The following FARS2 variants were observed in gnomAD, a reference collection of about 807,000 sequenced individuals.
The protein encoded by FARS2 is phenylalanyl-tRNA synthetase 2, mitochondrial.
FARS2 carries 40 observed loss-of-function variants against 46.4 expected under a neutral mutation model. The observed-to-expected ratio is 0.86, with a 90% CI of 0.67 to 1.12. The LOEUF (loss-of-function observed/expected upper bound fraction) is 1.12. FARS2 is among the 50% of genes most tolerant of loss of function. The pLI is 0.00. For missense variants in FARS2, 513 were observed against 567.9 expected (o/e 0.90, Z 0.98); for synonymous variants, 234 against 214.9 (o/e 1.09, Z -0.78).
chr6:5,611,827 C>T (rs1404606144), intron 5 of FARS2, among the ~76,000 whole-genome samples: 1 of 152,182 alleles, frequency 6.6e-6, no homozygotes, highest in African/African-American at 2.4e-5. Flanking sequence ...TTCTCTGTCA[C>T]CGTGCCTGGC....
At chr6:5,437,850 GT>G (rs1214896639) in intron 4 of FARS2, among the ~76,000 whole-genome samples, 1 of 152,008 alleles carries the variant, frequency 6.6e-6, no homozygotes, top group Non-Finnish European at 1.5e-5. Context: ...TTCTCTTGCT[GT>G]TCCTTTATTC....
chr6:5,430,996 A>T, intron 3 of FARS2, 45 bp from the exon 4 acceptor site: 2 of 1,590,400 alleles, frequency 1.3e-6, no homozygotes, highest in Non-Finnish European at 1.7e-6. Context: ...GAAAGGGCAG[A>T]CAGCTATTTA....
chr6:5,432,433 A>T (rs1342369960), intron 4 of FARS2, among the ~76,000 whole-genome samples: 12 of 124,148 alleles, frequency 9.7e-5, no homozygotes, highest in South Asian at 2.4e-4. Context: ...ATATATTATA[A>T]ATATAATATA....
At chr6:5,716,583 T>C (rs1466382611) in intron 6 of FARS2, among the ~76,000 whole-genome samples, 2 of 152,228 alleles carry the variant, frequency 1.3e-5, no homozygotes, top group Non-Finnish European at 2.9e-5. Context: ...TGACACTGTC[T>C]ACCTGGAGGG....
At chr6:5,362,740 C>T (rs1419708954) in intron 1 of FARS2, among the ~76,000 whole-genome samples, 5 of 152,142 alleles carry the variant, frequency 3.3e-5, no homozygotes, top group South Asian at 2.1e-4. Context: ...CTCACCAACA[C>T]TTACCTTTTC....
chr6:5,730,666 T>C (rs984881435), intron 6 of FARS2, among the ~76,000 whole-genome samples: 3 of 152,108 alleles, frequency 2.0e-5, no homozygotes, highest in Non-Finnish European at 4.4e-5. Context: ...GAGCAAAATA[T>C]TCATCACAAA....
At chr6:5,329,094 G>A (rs191785182) in intron 1 of FARS2, among the ~76,000 whole-genome samples, 101 of 151,310 alleles carry the variant, frequency 6.7e-4, no homozygotes, top group Non-Finnish European at 1.3e-3. Context: ...TAGCCTGCTC[G>A]ATCTCTAAAG....
intron 1 of FARS2, among the ~76,000 whole-genome samples, chr6:5,267,593 A>G (rs1765637166): frequency 1.3e-5 from 2 of 152,118 alleles, no homozygotes; most frequent in South Asian, 4.2e-4. Context: ...TACTAAAAAA[A>G]TACAAAAAAA....
intron 6 of FARS2, among the ~76,000 whole-genome samples, chr6:5,769,359 A>G (rs1451746720): frequency 6.6e-6 from 1 of 152,208 alleles, no homozygotes; most frequent in Non-Finnish European, 1.5e-5. Context: ...GTAGTTTCAT[A>G]AGCTCCCACT....
chr6:5,692,737 C>T (rs140292783), intron 6 of FARS2, among the ~76,000 whole-genome samples: 16 of 152,216 alleles, frequency 1.1e-4, no homozygotes, highest in Middle Eastern at 6.8e-3. Context: ...CATGTAATGA[C>T]GAATGTATTG....
intron 6 of FARS2, among the ~76,000 whole-genome samples, chr6:5,676,844 T>A (rs1459893122): frequency 2.0e-5 from 3 of 152,222 alleles, no homozygotes; most frequent in Non-Finnish European, 4.4e-5. Flanking sequence ...CCTGTGATAT[T>A]TGCTGCTTTC....
At chr6:5,718,396 T>C (rs1461579594) in intron 6 of FARS2, among the ~76,000 whole-genome samples, 1 of 152,196 alleles carries the variant, frequency 6.6e-6, no homozygotes, top group African/African-American at 2.4e-5. Context: ...GTTGAGTAAA[T>C]GAATCAGGTA....
intron 1 of FARS2, among the ~76,000 whole-genome samples, chr6:5,341,219 ATATATATATATATATATTTTTTTT>A (rs1362009943): frequency 2.2e-3 from 11 of 4,994 alleles, no homozygotes; most frequent in East Asian, 8.8e-3. Flanking sequence ...ATATATATAT[ATATATATATATATATATTTTTTTT>A]TTTTTTTTTT....
chr6:5,371,250 A>G (rs1031346551), intron 2 of FARS2: 15 of 858,202 alleles, frequency 1.7e-5, no homozygotes, highest in Non-Finnish European at 2.1e-5. Flanking sequence ...ACTAACTCTG[A>G]CCTAATCTTA....
intron 6 of FARS2, among the ~76,000 whole-genome samples, chr6:5,724,149 A>C (rs561917740): frequency 1.5e-4 from 23 of 152,288 alleles, no homozygotes; most frequent in Admixed American, 1.0e-3. Flanking sequence ...AATCTGCGCC[A>C]TTAGGCAGCT....
intron 4 of FARS2, among the ~76,000 whole-genome samples, chr6:5,522,013 A>G (rs73356382): frequency 0.11 from 17,231 of 152,266 alleles, 1,035 homozygotes; most frequent in Admixed American, 0.16. Flanking sequence ...TGGTGACTCC[A>G]GATTCCTCTT....
chr6:5,534,515 A>G (rs1408283950), intron 4 of FARS2, among the ~76,000 whole-genome samples: 3 of 151,464 alleles, frequency 2.0e-5, no homozygotes, highest in African/African-American at 7.3e-5. Flanking sequence ...GAAAGCTTAG[A>G]TTTTTTTTTG....
rs1561844529 is a variant in FARS2 at position 5,765,830 on chromosome 6, T to A, written c.1218-5461T>A. 6.6e-6 allele frequency among the ~76,000 whole-genome samples: 1 copy of A among 152,164 alleles called. No individual in the cohort carries two copies. The highest frequency in any genetic ancestry group is 6.5e-5 in the Admixed American group (1 of 15,282). On this transcript the variant is annotated intron_variant, in intron 6 of 6. Transcript: ENST00000274680. The surrounding 1 kb of genome is among the most constrained non-coding windows in gnomAD (Gnocchi z 4.0). Reference sequence around the variant, plus strand: ...GAGGGCAGATACTGGGTCCCCTTCATGTGCTTCTCTGTGTCCAACTCAGTG... The same window carrying A: ...GAGGGCAGATACTGGGTCCCCTTCAAGTGCTTCTCTGTGTCCAACTCAGTG...
At chr6:5,258,934 A>G (rs766329121), upstream of FARS2, among the ~76,000 whole-genome samples, 2 of 152,216 alleles carry the variant, frequency 1.3e-5, no homozygotes, top group Non-Finnish European at 1.5e-5. Context: ...TCAGTTGGCA[A>G]TTACTCATTT....
Sources: allele counts gnomAD v4.1 joint callset (sites outside exome capture counted in the v4.1 genomes callset), GRCh38; gene constraint gnomAD v4.1.1; non-coding constraint Gnocchi (gnomAD v3.1); transcripts MANE v1.5; gene names NCBI Gene and HGNC (gene_info 2026-07-23, HGNC 2026-07-21).